HNRNPD: variants seen among roughly 807,000 people sequenced by gnomAD.
HNRNPD encodes the protein heterogeneous nuclear ribonucleoprotein D.
In HNRNPD, 3 loss-of-function variants were observed where a neutral mutation model predicts 47.9. The ratio of observed to expected loss-of-function variants is 0.06; its 90% CI spans 0.03 to 0.16. The LOEUF (loss-of-function observed/expected upper bound fraction) is 0.16, where lower values mean the gene tolerates loss of function less well. Ranked by LOEUF, HNRNPD falls within the 10% of genes least tolerant of loss-of-function variation. HNRNPD has a pLI of 1.00. For synonymous variants in HNRNPD, 171 were observed against 165.1 expected, an observed-to-expected ratio of 1.04 and a Z score of -0.28; for missense variants, 287 against 454.2, an observed-to-expected ratio of 0.63 and a Z score of 3.35.
rs1723555203 is a variant in HNRNPD, at chr4:82,352,862, G to GC, written c.*1322dup. The GC allele has an allele frequency of 6.6e-6, 1 of 152,122 alleles. No homozygotes were observed. The highest frequency in any genetic ancestry group is 2.1e-4 in the South Asian group (1 of 4,828). 9.4% of individuals were successfully genotyped at this position (152,122 alleles called of 1,614,324 possible). A position where few individuals can be genotyped will look rare whatever the true frequency, so the allele number is the denominator to read the frequency against. ...TGCTTAGTTGGAGGTCAAATTCTTAGCATCAGATGTAACTCCACAAAAGTA... is the reference window on the plus strand; with the variant it reads ...TGCTTAGTTGGAGGTCAAATTCTTAGCCATCAGATGTAACTCCACAAAAGTA... On this transcript the variant is annotated 3_prime_UTR_variant, in exon 9 of 9. Transcript: ENST00000313899.
At chr4:82,372,487 C>G (rs1464942136) in intron 1 of HNRNPD, among the ~76,000 whole-genome samples, 1 of 151,988 alleles carries the variant, frequency 6.6e-6, no homozygotes, top group Admixed American at 6.6e-5. Flanking sequence ...AAACAGATAT[C>G]AAGACACCAA....
chr4:82,363,727 C>T (rs1025276692), intron 2 of HNRNPD, among the ~76,000 whole-genome samples: 2 of 152,152 alleles, frequency 1.3e-5, no homozygotes, highest in Admixed American at 6.5e-5. Flanking sequence ...ATATTCAGCA[C>T]CCCAAGGCTG....
chr4:82,363,032 A>ATGTGTGTGTGTGTG (rs71666730), intron 2 of HNRNPD, among the ~76,000 whole-genome samples: 5 of 148,932 alleles, frequency 3.4e-5, no homozygotes, highest in Non-Finnish European at 7.4e-5. Context: ...TTATATATAT[A>ATGTGTGTGTGTGTG]TGTGTGTGTG....
chr4:82,372,851 G>A (rs554981225), intron 1 of HNRNPD, among the ~76,000 whole-genome samples: 5 of 152,264 alleles, frequency 3.3e-5, no homozygotes, highest in Non-Finnish European at 7.3e-5. Flanking sequence ...AGCGTATGGT[G>A]GAGAAAATGA....
chr4:82,362,058 A>G (rs1476657227), intron 2 of HNRNPD, among the ~76,000 whole-genome samples: 1 of 152,188 alleles, frequency 6.6e-6, no homozygotes, highest in Admixed American at 6.5e-5. Flanking sequence ...TTAACCTTCA[A>G]TCATTTGAAA....
chr4:82,360,282 A>G (rs959805262), intron 2 of HNRNPD, among the ~76,000 whole-genome samples: 1 of 152,164 alleles, frequency 6.6e-6, no homozygotes, highest in Non-Finnish European at 1.5e-5. Flanking sequence ...ACCTCAGTTA[A>G]CCAGCAATAA....
chr4:82,367,302 T>A (rs540754231), intron 2 of HNRNPD, among the ~76,000 whole-genome samples: 1 of 152,158 alleles, frequency 6.6e-6, no homozygotes, highest in African/African-American at 2.4e-5. Flanking sequence ...GGTTAAGGAA[T>A]AGGTATTTTC....
rs888095075 is a variant in HNRNPD at position 82,373,572 on chromosome 4, C to G, written c.107G>C (p.Gly36Ala). 5 of 1,539,274 alleles carry G rather than the reference C, an allele frequency of 3.2e-6. No homozygotes were observed. In the African/African-American group the frequency reaches 7.0e-5, roughly 21 times the overall value. Residue 36 changes from glycine (G) to alanine (A), a missense_variant, in exon 1 of 9, where the codon GGG becomes GCG. By Grantham distance (60) the Gly-to-Ala change is moderately conservative. Around this residue, in one of 5 missense-constraint regions of HNRNPD, gnomAD observed 161 missense variants for 137.1 expected, o/e 1.17. Coordinates refer to ENST00000313899, the MANE Select transcript of HNRNPD (RefSeq NM_031370.3). ...QEGAMVAATQ[G>A]AAAAAGSGAG... ...TCCGCTTCCCGCCGCCGCCGCTGCCCCCTGTGTCGCCGCCACCATGGCTCC... is the reference window on the plus strand; with the variant it reads ...TCCGCTTCCCGCCGCCGCCGCTGCCGCCTGTGTCGCCGCCACCATGGCTCC...
At chr4:82,367,302 T>G (rs540754231) in intron 2 of HNRNPD, among the ~76,000 whole-genome samples, 4 of 152,274 alleles carry the variant, frequency 2.6e-5, no homozygotes, top group Non-Finnish European at 4.4e-5. Flanking sequence ...GGTTAAGGAA[T>G]AGGTATTTTC....
In HNRNPD at chr4:82,373,934, C is replaced by G; in HGVS notation, c.-256G>C. The G allele has an allele frequency of 1.2e-6, 1 of 839,868 alleles. No homozygotes were observed. The highest frequency in any genetic ancestry group is 1.7e-6 in the Non-Finnish European group (1 of 584,782). 52.0% of individuals were successfully genotyped at this position (839,868 alleles called of 1,614,324 possible). A position where few individuals can be genotyped will look rare whatever the true frequency, so the allele number is the denominator to read the frequency against. On this transcript the variant is annotated 5_prime_UTR_variant, in exon 1 of 9. Transcript: ENST00000313899. ...AAAAAGAATAAGCACCAGCGGCGGC[C>G]GCTCTCGCCTCCTCCTCGCTTTAAT...
intron 2 of HNRNPD, among the ~76,000 whole-genome samples, chr4:82,367,637 C>A (rs946325135): frequency 6.6e-6 from 1 of 152,122 alleles, no homozygotes; most frequent in African/African-American, 2.4e-5. Context: ...TCTAGATAAG[C>A]AGGAGTTTAC....
In HNRNPD at chr4:82,373,616, G is replaced by C; in HGVS notation, c.63C>G (p.Gly21=). Residue 21 remains glycine (G), a synonymous_variant, in exon 1 of 9, where the codon GGC becomes GGG. Coordinates refer to ENST00000313899, the MANE Select transcript of HNRNPD (RefSeq NM_031370.3). ...TGGCTCCCTCCTGCTCGCCCGCCGA[G>C]CCGCCTACCGCCGCCGTTGCCGCTG... The part of the protein sequence containing the change: ...AAAAATAAVG[G]SAGEQEGAMV... 1 of 1,526,670 alleles carries C rather than the reference G, an allele frequency of 6.6e-7. No individual in the cohort carries two copies. Among genetic ancestry groups the C allele is most frequent in the Non-Finnish European group, 8.8e-7 (1 of 1,142,788 alleles). The allele number at this position is 1,526,670 out of a possible 1,614,324, so 94.6% of individuals were successfully genotyped here. A position where few individuals can be genotyped will look rare whatever the true frequency, so the allele number is the denominator to read the frequency against.
intron 2 of HNRNPD, among the ~76,000 whole-genome samples, chr4:82,370,981 T>TATACATACACAC (rs142474751): frequency 6.7e-6 from 1 of 149,462 alleles, no homozygotes; most frequent in East Asian, 2.0e-4. Flanking sequence ...GGTATATATA[T>TATACATACACAC]ACACACACAC....
chr4:82,372,761 G>C (rs1720121560), intron 1 of HNRNPD, among the ~76,000 whole-genome samples: 2 of 152,188 alleles, frequency 1.3e-5, no homozygotes, highest in Admixed American at 1.3e-4. Flanking sequence ...GTACCAACAA[G>C]AAACTCGGAG....
intron 2 of HNRNPD, 58 bp from the exon 3 acceptor site, chr4:82,359,697 C>T (rs1723880561): frequency 1.7e-6 from 2 of 1,172,540 alleles, no homozygotes; most frequent in Non-Finnish European, 2.4e-6. Flanking sequence ...AAATATTATC[C>T]ACATCAATAA....
At chr4:82,368,383 T>C (rs1308183073) in intron 2 of HNRNPD, among the ~76,000 whole-genome samples, 2 of 152,126 alleles carry the variant, frequency 1.3e-5, no homozygotes, top group Admixed American at 6.5e-5. Context: ...ACTGAGTTTG[T>C]AGAAAGGGTC....
chr4:82,357,179 G>C (rs1578046535), intron 5 of HNRNPD, 134 bp downstream of exon 5: 11 of 963,478 alleles, frequency 1.1e-5, no homozygotes, highest in Non-Finnish European at 1.5e-5. Context: ...CCCACAAAAA[G>C]TTGGTCAATG....
At chr4:82,361,296 G>A (rs1719419062) in intron 2 of HNRNPD, among the ~76,000 whole-genome samples, 1 of 152,108 alleles carries the variant, frequency 6.6e-6, no homozygotes, top group Non-Finnish European at 1.5e-5. Context: ...ACAGACAGAA[G>A]TTATTTACCA....
chr4:82,358,849 A>AAT (rs766262015), intron 3 of HNRNPD, 29 bp from the exon 4 acceptor site: 2 of 1,494,910 alleles, frequency 1.3e-6, no homozygotes, highest in Admixed American at 2.0e-5. Context: ...TCATTTAAAA[A>AAT]ATATATATCT....
Sources: allele counts gnomAD v4.1 joint callset (sites outside exome capture counted in the v4.1 genomes callset), GRCh38; gene constraint gnomAD v4.1.1; regional missense constraint gnomAD v4.1.1; transcripts MANE v1.5; gene names NCBI Gene and HGNC (gene_info 2026-07-23, HGNC 2026-07-21).